The following TMEM144 variants were observed in gnomAD, a reference collection of about 807,000 sequenced individuals.
The protein encoded by TMEM144 is transmembrane protein 144.
A neutral mutation model predicts 43.6 loss-of-function variants in TMEM144; 39 were observed. The observed-to-expected ratio is 0.90, with a 90% CI of 0.69 to 1.17. TMEM144 has a LOEUF of 1.17. Among genes scored for constraint, TMEM144 ranks in the 50% most tolerant of loss-of-function variants. TMEM144 has a pLI of 0.00. For synonymous variants in TMEM144, 154 were observed against 133.6 expected (o/e 1.15, Z -1.06); for missense variants, 417 against 411.9 (o/e 1.01, Z -0.11).
intron 12 of TMEM144, among the ~76,000 whole-genome samples, chr4:158,245,357 AG>A (rs986688659): frequency 6.6e-6 from 1 of 151,684 alleles, no homozygotes; most frequent in Non-Finnish European, 1.5e-5. Flanking sequence ...GCATCACTTG[AG>A]CCCAGGAGTT....
intron 2 of TMEM144, chr4:158,212,017 T>C (rs1408045972): frequency 6.6e-6 from 1 of 152,208 alleles, no homozygotes; most frequent in Non-Finnish European, 1.5e-5. Flanking sequence ...ACATTAAATT[T>C]GCAGGAAAAA....
intron 6 of TMEM144, among the ~76,000 whole-genome samples, chr4:158,227,893 CT>C (rs559196334): frequency 2.3e-4 from 35 of 152,202 alleles, no homozygotes; most frequent in Non-Finnish European, 5.0e-4. Flanking sequence ...CCTTTAAATC[CT>C]TTCTTGAAAT....
chr4:158,235,622 T>C, intron 8 of TMEM144, 117 bp downstream of exon 8: 1 of 1,075,618 alleles, frequency 9.3e-7, no homozygotes, highest in Non-Finnish European at 1.3e-6. Flanking sequence ...ATGCAAGCTT[T>C]GACTTCTATC....
At chr4:158,227,561 T>C in intron 6 of TMEM144, among the ~76,000 whole-genome samples, 1 of 152,176 alleles carries the variant, frequency 6.6e-6, no homozygotes, top group East Asian at 1.9e-4. Context: ...TCTTTCTTTA[T>C]CTCTTTGACT....
At chr4:158,212,335 C>T in intron 2 of TMEM144, 1 of 176,104 alleles carries the variant, frequency 5.7e-6, no homozygotes, top group East Asian at 1.5e-4. Flanking sequence ...AAACTTTCTG[C>T]AGTGATGGAA....
intron 9 of TMEM144, 62 bp downstream of exon 9, chr4:158,237,705 G>A (rs1360086124): frequency 8.8e-7 from 1 of 1,142,624 alleles, no homozygotes; most frequent in Non-Finnish European, 1.3e-6. Context: ...AAAAAGAATT[G>A]TGATAATAGT....
chr4:158,247,898 G>T (rs1735972516), intron 12 of TMEM144, among the ~76,000 whole-genome samples: 1 of 148,258 alleles, frequency 6.7e-6, no homozygotes, highest in African/African-American at 2.5e-5. Flanking sequence ...CTAAAGTTTG[G>T]CTAATTATTT....
At position 158,254,024 on chromosome 4, in the gene TMEM144, A is replaced by G. The variant is rs564361728; in HGVS notation, c.*497A>G. 6.6e-6 allele frequency: 1 copy of G among 152,496 alleles called. No individual in the cohort carries two copies. The highest frequency in any genetic ancestry group is 1.5e-5 in the Non-Finnish European group (1 of 68,140). The allele number at this position is 152,496 out of a possible 1,614,324, so 9.4% of individuals were successfully genotyped here. A position where few individuals can be genotyped will look rare whatever the true frequency, so the allele number is the denominator to read the frequency against. On this transcript the variant is annotated 3_prime_UTR_variant, in exon 13 of 13. Transcript: ENST00000296529. ...TTCATAAAGTAAATGCATAGTTGGT[A>G]ACTAAATGTTAAAAAGGCCATTTTA...
At chr4:158,249,115 C>T (rs1165589211) in intron 12 of TMEM144, among the ~76,000 whole-genome samples, 2 of 152,136 alleles carry the variant, frequency 1.3e-5, no homozygotes, top group Non-Finnish European at 2.9e-5. Flanking sequence ...CAGTGTTGGC[C>T]AGGCTTGTCT....
At chr4:158,245,888 A>G (rs1735869333) in intron 12 of TMEM144, among the ~76,000 whole-genome samples, 1 of 152,080 alleles carries the variant, frequency 6.6e-6, no homozygotes, top group African/African-American at 2.4e-5. Context: ...TGATCATACC[A>G]CTACACTCCA....
chr4:158,240,868 A>G (rs960405137), intron 10 of TMEM144, among the ~76,000 whole-genome samples: 1 of 152,244 alleles, frequency 6.6e-6, no homozygotes, highest in Non-Finnish European at 1.5e-5. Flanking sequence ...TTAAACATAC[A>G]TGCTTTTGGA....
chr4:158,249,552 A>G (rs1238190897), intron 12 of TMEM144, among the ~76,000 whole-genome samples: 3 of 152,358 alleles, frequency 2.0e-5, no homozygotes, highest in African/African-American at 2.4e-5. Flanking sequence ...GAGACTGGAC[A>G]GTTTTAGCAA....
At chr4:158,219,534 G>T (rs17214185) in intron 6 of TMEM144, 144 bp downstream of exon 6, 14,194 of 856,052 alleles carry the variant, frequency 0.017, 163 homozygotes, top group Middle Eastern at 0.027. Flanking sequence ...TACAATGACT[G>T]GTTTTAGAGG....
At chr4:158,213,699 A>T (rs1393296323) in intron 3 of TMEM144, 2 of 152,208 alleles carry the variant, frequency 1.3e-5, no homozygotes, top group Admixed American at 1.3e-4. Context: ...TATGGTGAAC[A>T]CATGTTGGGA....
intron 8 of TMEM144, among the ~76,000 whole-genome samples, chr4:158,236,322 G>A (rs1735347065): frequency 1.3e-5 from 2 of 152,140 alleles, no homozygotes; most frequent in Admixed American, 1.3e-4. Context: ...TAAATATGTT[G>A]CTGGTTTTGC....
At chr4:158,240,260 T>G in intron 9 of TMEM144, 39 bp from the exon 10 acceptor site, 1 of 1,581,018 alleles carries the variant, frequency 6.3e-7, no homozygotes, top group South Asian at 1.2e-5. Context: ...TCTGGAATGA[T>G]TAAAATGGTG....
chr4:158,240,350 T>A lies in TMEM144; in HGVS notation c.734T>A (p.Val245Asp), dbSNP rs137905517. Residue 245 changes from valine (V) to aspartate (D), a missense_variant, in exon 10 of 13, where the codon GTC becomes GAC. By Grantham distance (152) the Val-to-Asp change is radical. Transcript: ENST00000296529. ...AGTGGCATCTTTCTTACAAGTACTG[T>A]CTACTTTCTGGCCTACTGCATAGCC... ...HFSGIFLTST[V>D]YFLAYCIAMK... 40 of 1,613,890 alleles carry A rather than the reference T, an allele frequency of 2.5e-5. No homozygotes were observed. The highest frequency in any genetic ancestry group is 3.4e-5 in the Non-Finnish European group (40 of 1,179,968).
intron 4 of TMEM144, among the ~76,000 whole-genome samples, 166 bp downstream of exon 4, chr4:158,215,479 G>A (rs1294563123): frequency 6.6e-6 from 1 of 151,910 alleles, no homozygotes; most frequent in Non-Finnish European, 1.5e-5. Context: ...GAATATTTTT[G>A]GTGCCTTACC....
intron 12 of TMEM144, among the ~76,000 whole-genome samples, chr4:158,248,771 A>G (rs1736020524): frequency 6.6e-6 from 1 of 152,230 alleles, no homozygotes; most frequent in African/African-American, 2.4e-5. Context: ...ACGCATATTT[A>G]AAAGTCTACA....
Sources: gnomAD v4.1 joint callset for allele counts (sites outside exome capture counted in the v4.1 genomes callset) on GRCh38, gnomAD v4.1.1 for gene constraint, MANE v1.5 for transcripts, NCBI Gene and HGNC (gene_info 2026-07-23, HGNC 2026-07-21) for gene names.